The following SOX30 variants were observed in gnomAD, a reference collection of about 807,000 sequenced individuals.
SOX30 encodes SRY-box transcription factor 30.
In SOX30, 17 loss-of-function variants were observed where a neutral mutation model predicts 58.6. The ratio of observed to expected loss-of-function variants is 0.29; its 90% CI spans 0.20 to 0.44. SOX30 has a LOEUF of 0.44. SOX30 is among the 20% of genes least tolerant of loss of function. The pLI is 1.00. For missense variants in SOX30, 951 were observed against 965.8 expected (o/e 0.98, Z 0.20); for synonymous variants, 421 against 400.2 (o/e 1.05, Z -0.62).
At position 157,626,171 on chromosome 5, in the gene SOX30, G is replaced by A; in HGVS notation, c.*169C>T. On this transcript the variant is annotated 3_prime_UTR_variant, in exon 5 of 5. Coordinates refer to ENST00000265007, the MANE Select transcript of SOX30 (RefSeq NM_178424.2). ...CCTACAATGAAACATCCAGACTCTA[G>A]TTTCACTAATCAAAATTTTATGAAG... 1.8e-6 allele frequency: 1 copy of A among 565,686 alleles called. No homozygotes were observed. The highest frequency in any genetic ancestry group is 3.0e-6 in the Non-Finnish European group (1 of 334,996). The allele number at this position is 565,686 out of a possible 1,614,324, so 35.0% of individuals were successfully genotyped here. A position where few individuals can be genotyped will look rare whatever the true frequency, so the allele number is the denominator to read the frequency against.
Position 157,638,589 on chromosome 5 carries a change from T to C in SOX30, c.1521A>G (p.Ala507=). 1.9e-6 allele frequency: 3 copies of C among 1,613,706 alleles called. No individual in the cohort carries two copies. The highest frequency in any genetic ancestry group is 1.1e-5 in the South Asian group (1 of 91,052). ...VQDPSLPVYP[A]LPPQRFTGPS... ...GCCCAGTAAAGCGTTGGGGTGGGAG[T>C]GCTGGATAGACAGGTAGACTTGGAT... The change falls in exon 4 of 5, where the codon GCA becomes GCG. Residue 507 remains alanine (A), a synonymous_variant. Coordinates refer to ENST00000265007, the MANE Select transcript of SOX30 (RefSeq NM_178424.2).
At position 157,626,430 on chromosome 5, in the gene SOX30, T is replaced by G; in HGVS notation, c.2172A>C (p.Thr724=). The G allele has an allele frequency of 6.2e-7, 1 of 1,614,232 alleles. No homozygotes were observed. Among genetic ancestry groups the G allele is most frequent in the East Asian group, 2.2e-5 (1 of 44,888 alleles). The change falls in exon 5 of 5, where the codon ACA becomes ACC. Residue 724 remains threonine, a synonymous_variant. Transcript: ENST00000265007. ...LDIGTLENVF[T]APTSTPSSIQ... ...TGCTAGAAGGAGTTGATGTCGGGGC[T>G]GTGAAGACATTCTCCAAGGTTCCAA...
chr5:157,647,760 T>TTTAGTAGA (rs1759231364), intron 2 of SOX30, among the ~76,000 whole-genome samples: 1 of 151,294 alleles, frequency 6.6e-6, no homozygotes, highest in African/African-American at 2.4e-5. Context: ...GGGGTTTCAC[T>TTTAGTAGA]GTGTTAGCCA....
chr5:157,652,822 C>A (rs142887151), upstream of SOX30, among the ~76,000 whole-genome samples: 1,000 of 152,276 alleles, frequency 6.6e-3, 10 homozygotes, highest in African/African-American at 0.023. Context: ...ACTGCCGTAA[C>A]CCTGTAAATA....
intron 4 of SOX30, among the ~76,000 whole-genome samples, chr5:157,636,736 C>T (rs1040194990): frequency 8.5e-5 from 13 of 152,150 alleles, no homozygotes; most frequent in African/African-American, 2.9e-4. Context: ...AGTAGATTTA[C>T]TTGCTAAGTA....
intron 2 of SOX30, among the ~76,000 whole-genome samples, chr5:157,663,914 G>A (rs1391692653): frequency 5.3e-5 from 8 of 152,022 alleles, no homozygotes. Flanking sequence ...ACCTCTTTAA[G>A]GAGAACTACA....
chr5:157,671,448 A>T, exon 1 of SOX30: 1 of 615,268 alleles, frequency 1.6e-6, no homozygotes, highest in South Asian at 2.1e-5. Context: ...ACGCATGTCC[A>T]ACAGCCCCCG....
chr5:157,646,213 C>T lies in SOX30; in HGVS notation c.1387+424G>A, dbSNP rs180728765. Reference sequence around the variant, plus strand: ...GGTAGAAAATAGATTACTTCCACTGCTTTTCTAGAGCAGTGAGAGAATGGT... The same window carrying T: ...GGTAGAAAATAGATTACTTCCACTGTTTTTCTAGAGCAGTGAGAGAATGGT... On this transcript the variant is annotated intron_variant, in intron 3 of 4. Coordinates refer to ENST00000265007, the MANE Select transcript of SOX30 (RefSeq NM_178424.2). Among the ~76,000 whole-genome samples, 278 of 152,290 alleles carry T rather than the reference C, an allele frequency of 1.8e-3. 1 individual carries two copies. In the Middle Eastern group the frequency reaches 0.02, roughly 11 times the overall value.
At chr5:157,642,519 G>C (rs1162566386) in intron 3 of SOX30, among the ~76,000 whole-genome samples, 1 of 151,902 alleles carries the variant, frequency 6.6e-6, no homozygotes, top group Non-Finnish European at 1.5e-5. Flanking sequence ...TAGGGAAAAA[G>C]GCTGATAGAG....
Position 157,626,347 on chromosome 5 carries a change from T to A in SOX30, c.2255A>T (p.Asp752Val). ...DEEEEEKVLR[D>V]L Reference sequence around the variant, plus strand: ...TGCATATTTGTTTTAAAATTATAAATCCCTGAGCACTTTTTCTTCTTCCTC... The same window carrying A: ...TGCATATTTGTTTTAAAATTATAAAACCCTGAGCACTTTTTCTTCTTCCTC... The change falls in exon 5 of 5, where the codon GAT becomes GTT. Residue 752 changes from aspartate to valine, a missense_variant. Physicochemically the swap from Asp to Val is radical, Grantham distance 152 (BLOSUM62 -3). This residue lies in a region of SOX30 where 381 missense variants were observed against 390.0 expected (regional missense o/e 0.98). Coordinates refer to ENST00000265007, the MANE Select transcript of SOX30 (RefSeq NM_178424.2). 1.2e-6 allele frequency: 2 copies of A among 1,604,268 alleles called. No homozygotes were observed. The highest frequency in any genetic ancestry group is 3.4e-5 in the Admixed American group (2 of 58,294).
chr5:157,652,561 TGA>T (rs563688734), upstream of SOX30: 379 of 176,832 alleles, frequency 2.1e-3, 2 homozygotes, highest in African/African-American at 8.6e-3. Context: ...CTGTCGGCCC[TGA>T]GTACCACCAG....
chr5:157,662,168 T>G (rs551268490), intron 2 of SOX30, among the ~76,000 whole-genome samples: 2 of 152,312 alleles, frequency 1.3e-5, no homozygotes, highest in African/African-American at 4.8e-5. Flanking sequence ...TTTATAAGCC[T>G]TTTAATTTCC....
rs545572804 is a variant in SOX30 at position 157,626,783 on chromosome 5, C to CT, written c.1881-63dup. On this transcript the variant is annotated intron_variant, in intron 4 of 4. Coordinates refer to ENST00000265007, the MANE Select transcript of SOX30 (RefSeq NM_178424.2). The stretch of plus-strand genomic sequence containing the variant: ...GCCCACATATTGCCTTGCATACAGA[C>CT]TAACAGAGCAAGTTAATGCCTCCTC... 273 of 1,510,978 alleles carry CT rather than the reference C, an allele frequency of 1.8e-4. 1 individual carries two copies. In the East Asian group the frequency reaches 3.9e-3, roughly 21 times the overall value. The allele number at this position is 1,510,978 out of a possible 1,614,324, so 93.6% of individuals were successfully genotyped here.
At chr5:157,659,326 T>C (rs1186088142) in intron 2 of SOX30, among the ~76,000 whole-genome samples, 1 of 152,208 alleles carries the variant, frequency 6.6e-6, no homozygotes, top group Non-Finnish European at 1.5e-5. Context: ...AGTGCAGATA[T>C]TCCCAGTAAG....
intron 2 of SOX30, among the ~76,000 whole-genome samples, chr5:157,666,792 ACCT>A (rs1420106809): frequency 6.6e-6 from 1 of 151,826 alleles, no homozygotes; most frequent in East Asian, 1.9e-4. Context: ...TGCAACCTCC[ACCT>A]CCTGGGTTCA....
chr5:157,647,725 T>A (rs958621675), intron 2 of SOX30, among the ~76,000 whole-genome samples: 2 of 151,824 alleles, frequency 1.3e-5, no homozygotes, highest in Non-Finnish European at 2.9e-5. Context: ...CAGCTAATTT[T>A]TTTATTTTTT....
In SOX30 at chr5:157,648,702, C is replaced by T. The variant is rs765335207; in HGVS notation, c.1162G>A (p.Asp388Asn). The change falls in exon 2 of 5, where the codon GAT (aspartate) becomes AAT (asparagine). Residue 388 changes from aspartate (D) to asparagine (N), a missense_variant. Coordinates refer to ENST00000265007, the MANE Select transcript of SOX30 (RefSeq NM_178424.2). ...LSEEQKKPYY[D>N]EAQKIKEKHR... ...TTTTCCTTAATCTTTTGTGCTTCAT[C>T]GTAATAGGGTTTCTTTTGTTCTTCA... The T allele has an allele frequency of 5.0e-6, 8 of 1,613,632 alleles. No individual in the cohort carries two copies. Among genetic ancestry groups the T allele is most frequent in the African/African-American group, 1.3e-5 (1 of 74,880 alleles).
rs189276205 is a variant in SOX30, at chr5:157,646,697, G to A, written c.1327C>T (p.Arg443Cys). 4.6e-5 allele frequency: 75 copies of A among 1,613,354 alleles called. 1 individual carries two copies. In the East Asian group the frequency reaches 1.1e-3, roughly 23 times the overall value. ...ATTACCACAGAGTACGTAGGTGAGC[G>A]GTAAGGATAAACTGTTGTAGGATTT... Reference protein sequence around the residue: ...STNPTTVYPYRSPTYSVVIPS... With the variant: ...STNPTTVYPYCSPTYSVVIPS... The change falls in exon 3 of 5, where the codon CGC becomes TGC. Residue 443 changes from arginine to cysteine, a missense_variant. Arg to Cys is a radical substitution (Grantham distance 180). This residue lies in a region of SOX30 where 381 missense variants were observed against 390.0 expected (regional missense o/e 0.98). Transcript: ENST00000265007.
intron 3 of SOX30, among the ~76,000 whole-genome samples, chr5:157,641,204 C>T (rs1324249512): frequency 6.6e-6 from 1 of 151,730 alleles, no homozygotes; most frequent in Non-Finnish European, 1.5e-5. Context: ...GACTGGGCAA[C>T]CTAGCAAGAT....
Sources: allele counts gnomAD v4.1 joint callset (sites outside exome capture counted in the v4.1 genomes callset), GRCh38; gene constraint gnomAD v4.1.1; regional missense constraint gnomAD v4.1.1; transcripts MANE v1.5; gene names NCBI Gene and HGNC (gene_info 2026-07-23, HGNC 2026-07-21).